SLC9D1: variants seen among roughly 807,000 people sequenced by gnomAD.
SLC9D1 encodes the protein putative LAG1-interacting protein.
At chr13:113,524,786 G>A in the SLC9D1 span, among the ~76,000 whole-genome samples, 1 of 152,078 alleles carries the variant, frequency 6.6e-6, no homozygotes, top group East Asian at 1.9e-4. Flanking sequence ...TTTGAAGTGA[G>A]TTTCTTGTGG....
the SLC9D1 span, chr13:113,499,884 C>A: frequency 1.2e-6 from 1 of 836,114 alleles, no homozygotes; most frequent in Non-Finnish European, 1.7e-6. Flanking sequence ...TAACATTCTT[C>A]TGTTTAGCGT....
At chr13:113,498,228 A>C in the SLC9D1 span, 1 of 769,580 alleles carries the variant, frequency 1.3e-6, no homozygotes, top group East Asian at 3.0e-5. Context: ...GACCAGAATT[A>C]AGTTATTGAC....
chr13:113,544,527 C>T, the SLC9D1 span, among the ~76,000 whole-genome samples: 1 of 152,248 alleles, frequency 6.6e-6, no homozygotes, highest in Non-Finnish European at 1.5e-5. Context: ...GCCACGCTTG[C>T]TCATTTACTC....
chr13:113,547,401 G>GC, the SLC9D1 span: 1 of 1,583,752 alleles, frequency 6.3e-7, no homozygotes, highest in African/African-American at 1.3e-5. Flanking sequence ...AAGGGTCCAC[G>GC]CCCCTCGCAG....
chr13:113,499,951 C>A, the SLC9D1 span: 6 of 1,416,080 alleles, frequency 4.2e-6, no homozygotes, highest in East Asian at 7.5e-5. Context: ...TATTATTATT[C>A]TTGCAGGTCA....
chr13:113,527,011 G>A, the SLC9D1 span, among the ~76,000 whole-genome samples: 2 of 152,240 alleles, frequency 1.3e-5, no homozygotes, highest in Non-Finnish European at 2.9e-5. Context: ...AGTGCCAGGC[G>A]GCCTGGGTGG....
At chr13:113,493,437 G>A in the SLC9D1 span, among the ~76,000 whole-genome samples, 2 of 152,102 alleles carry the variant, frequency 1.3e-5, no homozygotes, top group Non-Finnish European at 2.9e-5. Context: ...ATTTAGCTCC[G>A]TTGGACCAAC....
chr13:113,520,087 A>G, the SLC9D1 span, among the ~76,000 whole-genome samples: 1 of 152,258 alleles, frequency 6.6e-6, no homozygotes, highest in Non-Finnish European at 1.5e-5. Context: ...ATAAATAACA[A>G]GTAAGTCGTG....
At chr13:113,517,918 C>T in the SLC9D1 span, among the ~76,000 whole-genome samples, 2 of 151,448 alleles carry the variant, frequency 1.3e-5, no homozygotes, top group Admixed American at 6.6e-5. Context: ...AGCTCCTTGG[C>T]GGCACCCTTA....
At chr13:113,508,569 A>G in the SLC9D1 span, among the ~76,000 whole-genome samples, 1 of 152,128 alleles carries the variant, frequency 6.6e-6, no homozygotes, top group Non-Finnish European at 1.5e-5. Context: ...GTGGAAGGAG[A>G]GAGGGGGCCG....
the SLC9D1 span, among the ~76,000 whole-genome samples, chr13:113,516,951 C>T: frequency 6.6e-6 from 1 of 152,188 alleles, no homozygotes; most frequent in African/African-American, 2.4e-5. Context: ...ACTCATTGTC[C>T]AGCCACAAGC....
the SLC9D1 span, among the ~76,000 whole-genome samples, chr13:113,506,991 C>G: frequency 3.9e-5 from 6 of 151,994 alleles, no homozygotes; most frequent in Admixed American, 6.6e-5. Flanking sequence ...TGCTCAGCTG[C>G]CCTGCGTGGT....
chr13:113,549,506 G>C, the SLC9D1 span: 3 of 1,614,098 alleles, frequency 1.9e-6, no homozygotes, highest in Non-Finnish European at 2.5e-6. Context: ...CACGAGGTGT[G>C]TGCCCAGACC....
chr13:113,492,947 T>A, the SLC9D1 span, among the ~76,000 whole-genome samples: 50 of 152,316 alleles, frequency 3.3e-4, no homozygotes, highest in Non-Finnish European at 7.3e-5. Context: ...CCAAAGTGTC[T>A]TTTTAATAAC....
the SLC9D1 span, among the ~76,000 whole-genome samples, chr13:113,539,983 T>C: frequency 6.6e-6 from 1 of 152,206 alleles, no homozygotes; most frequent in Non-Finnish European, 1.5e-5. This position sits in a 1 kb window ranked among gnomAD's most constrained non-coding sequence, Gnocchi z 4.8. Flanking sequence ...TGGTGCTCTG[T>C]TCTGGTGTTA....
chr13:113,493,359 A>G, the SLC9D1 span, among the ~76,000 whole-genome samples: 2,294 of 152,354 alleles, frequency 0.015, 45 homozygotes, highest in Non-Finnish European at 0.021. Flanking sequence ...GTGTAAGCAA[A>G]GCATCTCAGA....
the SLC9D1 span, among the ~76,000 whole-genome samples, chr13:113,511,002 G>A: frequency 9.2e-6 from 1 of 109,186 alleles, no homozygotes; most frequent in Non-Finnish European, 1.8e-5. Context: ...CGACTCACTC[G>A]GAAGCCTAGG....
chr13:113,496,020 A>G, the SLC9D1 span: 44 of 1,607,576 alleles, frequency 2.7e-5, no homozygotes, highest in Non-Finnish European at 3.6e-5. Flanking sequence ...AGAGGCTGCA[A>G]TAAAGGTCAG....
At chr13:113,506,932 G>A in the SLC9D1 span, among the ~76,000 whole-genome samples, 1 of 152,070 alleles carries the variant, frequency 6.6e-6, no homozygotes, top group African/African-American at 2.4e-5. Context: ...GCTTGGTGGT[G>A]TAGACTCGGG....
Sources: allele counts gnomAD v4.1 joint callset (sites outside exome capture counted in the v4.1 genomes callset), GRCh38; gene constraint gnomAD v4.1.1; non-coding constraint Gnocchi (gnomAD v3.1); transcripts MANE v1.5; gene names NCBI Gene and HGNC (gene_info 2026-07-23, HGNC 2026-07-21).